The following SERPINI1 variants were observed in gnomAD, a reference collection of about 807,000 sequenced individuals.
SERPINI1 encodes the protein neuroserpin.
A neutral mutation model predicts 41.1 loss-of-function variants in SERPINI1; 19 were observed. That is an observed-to-expected ratio of 0.46 (90% CI 0.32 to 0.68). SERPINI1 has a LOEUF of 0.68. Among genes scored for constraint, SERPINI1 ranks in the 30% least tolerant of loss-of-function variants. The pLI, the probability that SERPINI1 is intolerant of heterozygous loss-of-function variation, is 0.03. For missense variants in SERPINI1, 460 were observed against 479.2 expected (o/e 0.96, Z 0.37); for synonymous variants, 138 against 156.6 (o/e 0.88, Z 0.89).
chr3:167,755,600 C>G (rs1199699628), intron 1 of SERPINI1, among the ~76,000 whole-genome samples: 1 of 152,134 alleles, frequency 6.6e-6, no homozygotes, highest in Non-Finnish European at 1.5e-5. Flanking sequence ...AAATCACTGA[C>G]TGTTCATACT....
intron 5 of SERPINI1, among the ~76,000 whole-genome samples, chr3:167,795,090 C>T (rs1055058506): frequency 2.0e-5 from 3 of 152,004 alleles, no homozygotes; most frequent in Non-Finnish European, 4.4e-5. Flanking sequence ...TGCTATTCAT[C>T]GAGACCTAGT....
At chr3:167,815,082 C>T (rs1451706925) in intron 6 of SERPINI1, among the ~76,000 whole-genome samples, 17 of 152,176 alleles carry the variant, frequency 1.1e-4, no homozygotes, top group Admixed American at 1.3e-4. Flanking sequence ...GAGTGCATAC[C>T]TGGTACCCGG....
chr3:167,810,311 C>T (rs1306567262), intron 6 of SERPINI1, among the ~76,000 whole-genome samples: 1 of 152,004 alleles, frequency 6.6e-6, no homozygotes, highest in South Asian at 2.1e-4. Flanking sequence ...TATTTGCATG[C>T]ATTTTGTTTC....
intron 5 of SERPINI1, among the ~76,000 whole-genome samples, chr3:167,805,082 A>G (rs1449990269): frequency 1.3e-5 from 2 of 152,138 alleles, no homozygotes; most frequent in Non-Finnish European, 2.9e-5. Context: ...AATAATTCAT[A>G]AGGTCAATTA....
intron 6 of SERPINI1, among the ~76,000 whole-genome samples, chr3:167,809,697 C>T (rs1397724444): frequency 6.6e-6 from 1 of 152,056 alleles, no homozygotes; most frequent in East Asian, 1.9e-4. Context: ...TTCTCTGTGT[C>T]CTACTCACAG....
At chr3:167,794,920 T>C (rs1427761665) in intron 5 of SERPINI1, 96 bp downstream of exon 5, 2 of 909,128 alleles carry the variant, frequency 2.2e-6, no homozygotes, top group Non-Finnish European at 3.6e-6. Flanking sequence ...TTTCGAATTA[T>C]AATTCTTGTG....
chr3:167,790,411 T>A lies in SERPINI1; in HGVS notation c.290T>A (p.Val97Glu). ...TTCTTGAAGGAGTTTTCAAACATGGTAACTGCTAAAGAGAGCCAATATGTG... is the reference window on the plus strand; with the variant it reads ...TTCTTGAAGGAGTTTTCAAACATGGAAACTGCTAAAGAGAGCCAATATGTG... ...FSFLKEFSNM[V>E]TAKESQYVMK... is the part of the protein sequence containing the mutation. Residue 97 changes from valine to glutamate, a missense_variant, in exon 3 of 9, where the codon GTA (valine) becomes GAA (glutamate). Transcript: ENST00000446050. 2 of 1,613,940 alleles carry A rather than the reference T, an allele frequency of 1.2e-6. No homozygotes were observed. Among genetic ancestry groups the A allele is most frequent in the Non-Finnish European group, 1.7e-6 (2 of 1,179,820 alleles).
intron 1 of SERPINI1, among the ~76,000 whole-genome samples, chr3:167,779,096 C>G (rs1273004137): frequency 6.6e-6 from 1 of 152,178 alleles, no homozygotes; most frequent in Non-Finnish European, 1.5e-5. Flanking sequence ...CAAATTCAAG[C>G]AATGATTAAG....
At chr3:167,821,577 C>T (rs1282045154) in intron 6 of SERPINI1, among the ~76,000 whole-genome samples, 1 of 152,162 alleles carries the variant, frequency 6.6e-6, no homozygotes, top group Middle Eastern at 3.2e-3. Flanking sequence ...CACCACTCCA[C>T]ACCTGGCTCG....
intron 1 of SERPINI1, among the ~76,000 whole-genome samples, chr3:167,785,108 G>A (rs1727264865): frequency 6.6e-6 from 1 of 152,130 alleles, no homozygotes; most frequent in Non-Finnish European, 1.5e-5. Context: ...GGGCGTGGTG[G>A]CATGCGCCTG....
chr3:167,748,110 A>G (rs1725923133), intron 1 of SERPINI1, among the ~76,000 whole-genome samples: 2 of 152,114 alleles, frequency 1.3e-5, no homozygotes, highest in Admixed American at 1.3e-4. Flanking sequence ...AAAAAGAAAA[A>G]ACTAGAACTT....
intron 1 of SERPINI1, among the ~76,000 whole-genome samples, chr3:167,788,687 T>C (rs939091761): frequency 6.6e-6 from 1 of 152,254 alleles, no homozygotes; most frequent in African/African-American, 2.4e-5. Flanking sequence ...GTGCATTTAC[T>C]TTATAAATGG....
chr3:167,773,539 A>C (rs1265369198), intron 1 of SERPINI1, among the ~76,000 whole-genome samples: 1 of 152,218 alleles, frequency 6.6e-6, no homozygotes, highest in Non-Finnish European at 1.5e-5. Flanking sequence ...AAGCAAATGT[A>C]ACTAGAATAC....
chr3:167,817,058 G>T (rs1400489216), intron 6 of SERPINI1, among the ~76,000 whole-genome samples: 1 of 151,846 alleles, frequency 6.6e-6, no homozygotes, highest in African/African-American at 2.4e-5. Context: ...GCAGGAGAGG[G>T]GATAAAATGT....
intron 5 of SERPINI1, among the ~76,000 whole-genome samples, chr3:167,799,472 T>C (rs981514808): frequency 6.6e-6 from 1 of 152,232 alleles, no homozygotes; most frequent in African/African-American, 2.4e-5. Flanking sequence ...TTCCAAGTCT[T>C]TGCTATTGTG....
chr3:167,775,225 TTTATTATTATTATTATTATTATTATTA>T (rs558261774), intron 1 of SERPINI1, among the ~76,000 whole-genome samples: 11 of 134,346 alleles, frequency 8.2e-5, no homozygotes, highest in African/African-American at 2.5e-4. Context: ...GAAGTGTCAC[TTTATTATTATTATTATTATTATTATTA>T]TTATTATTAT....
At chr3:167,793,836 GTA>G (rs1017505987) in intron 4 of SERPINI1, among the ~76,000 whole-genome samples, 15 of 119,620 alleles carry the variant, frequency 1.3e-4, no homozygotes, top group African/African-American at 3.3e-4. Flanking sequence ...TTGGCCATAT[GTA>G]TGTGTGTGTG....
At chr3:167,824,702 C>T in intron 8 of SERPINI1, 140 bp downstream of exon 8, 1 of 606,692 alleles carries the variant, frequency 1.6e-6, no homozygotes, top group Non-Finnish European at 2.9e-6. Flanking sequence ...AGAGATTGAC[C>T]AACTGAATTA....
At chr3:167,745,411 G>A (rs374351371) in intron 1 of SERPINI1, among the ~76,000 whole-genome samples, 124 of 151,974 alleles carry the variant, frequency 8.2e-4, no homozygotes, top group Middle Eastern at 3.4e-3. Flanking sequence ...CTTCCTCCAC[G>A]GGGTAAGTAC....
Sources: gnomAD v4.1 joint callset for allele counts (sites outside exome capture counted in the v4.1 genomes callset) on GRCh38, gnomAD v4.1.1 for gene constraint, MANE v1.5 for transcripts, NCBI Gene and HGNC (gene_info 2026-07-23, HGNC 2026-07-21) for gene names.